The following SLC7A5 variants were observed in gnomAD, a reference collection of about 807,000 sequenced individuals.
The protein encoded by SLC7A5 is solute carrier family 7 member 5, also known as large neutral amino acids transporter small subunit 1.
SLC7A5 carries 23 observed loss-of-function variants against 50.2 expected under a neutral mutation model. The observed-to-expected ratio is 0.46, with a 90% confidence interval of 0.33 to 0.65. SLC7A5 has a LOEUF of 0.65. Among genes scored for constraint, SLC7A5 ranks in the 30% least tolerant of loss-of-function variants. The pLI, the probability that SLC7A5 is intolerant of heterozygous loss-of-function variation, is 0.02. For missense variants in SLC7A5, 578 were observed against 684.4 expected (o/e 0.84, Z 1.73); for synonymous variants, 393 against 330.6 (o/e 1.19, Z -2.05).
intron 1 of SLC7A5, among the ~76,000 whole-genome samples, chr16:87,858,749 G>C (rs1567500528): frequency 6.6e-6 from 1 of 152,110 alleles, no homozygotes; most frequent in African/African-American, 2.4e-5. Context: ...CAGCGTCCAA[G>C]CCAGTCCAAC....
Position 87,838,827 on chromosome 16 carries a change from C to T in SLC7A5, c.940-10G>A, listed in dbSNP as rs758748906. 7 of 1,608,936 alleles carry T rather than the reference C, an allele frequency of 4.4e-6. No homozygotes were observed. In the South Asian group the frequency reaches 5.5e-5, roughly 13 times the overall value. On this transcript the variant is annotated splice_polypyrimidine_tract_variant and intron_variant, in intron 5 of 9. Transcript: ENST00000261622. Reference sequence around the variant, plus strand: ...GATAGTTCCCGAAGTCCTAGGCAGGCACAACCAGTGAGCTGGGCCCCACCG... The same window carrying T: ...GATAGTTCCCGAAGTCCTAGGCAGGTACAACCAGTGAGCTGGGCCCCACCG...
intron 1 of SLC7A5, among the ~76,000 whole-genome samples, chr16:87,857,413 G>T (rs1467221109): frequency 6.6e-6 from 1 of 152,138 alleles, no homozygotes; most frequent in East Asian, 1.9e-4. Flanking sequence ...TGCCTCAGTA[G>T]CTGGGATTAC....
Position 87,858,308 on chromosome 16 carries a change from G to A in SLC7A5, c.539-6459C>T, listed in dbSNP as rs148405692. Among the ~76,000 whole-genome samples, 956 of 152,246 alleles carry A rather than the reference G, an allele frequency of 6.3e-3. 9 individuals carry two copies. The highest frequency in any genetic ancestry group is 0.02 in the African/African-American group (837 of 41,530). ...CCCATGAAAGCATCACCATTAATCT[G>A]ACCAGTCACCGCAGCATGAGTATCT... On this transcript the variant is annotated intron_variant, in intron 1 of 9. Transcript: ENST00000261622.
chr16:87,852,884 C>T lies in SLC7A5; in HGVS notation c.539-1035G>A, dbSNP rs68149176. Among the ~76,000 whole-genome samples the T allele has an allele frequency of 0.21, 32,414 of 152,062 alleles. 4,702 individuals carry two copies. The highest frequency in any genetic ancestry group is 0.66 in the East Asian group (3,420 of 5,164). ...TATTAATCCCGAGGCACTGACTCCA[C>T]GACACCCCTCACTGCCTGCTGCACT... On this transcript the variant is annotated intron_variant, in intron 1 of 9. Coordinates refer to ENST00000261622, the MANE Select transcript of SLC7A5 (RefSeq NM_003486.7). This position sits in a 1 kb window ranked among gnomAD's most constrained non-coding sequence, Gnocchi z 4.5.
intron 1 of SLC7A5, among the ~76,000 whole-genome samples, chr16:87,858,611 G>A (rs1396503236): frequency 1.3e-5 from 2 of 152,142 alleles, no homozygotes; most frequent in Non-Finnish European, 2.9e-5. Context: ...AAGTCACACA[G>A]CAGTTCCTGG....
In SLC7A5 at chr16:87,851,731, G is replaced by A. The variant is rs777869802; in HGVS notation, c.657C>T (p.Ile219=). ...CCTGGGGGACGTACTCACCCTTCCC[G>A]ATCTGGACGAAGCCCAGCAGGATGA... ...ALIILLGFVQ[I]GKGDVSNLDP... The change falls in exon 2 of 10, where the codon ATC becomes ATT. Residue 219 remains isoleucine, a synonymous_variant. Coordinates refer to ENST00000261622, the MANE Select transcript of SLC7A5 (RefSeq NM_003486.7). 1.1e-5 allele frequency: 17 copies of A among 1,612,704 alleles called. No individual in the cohort carries two copies. The highest frequency in any genetic ancestry group is 8.9e-5 in the East Asian group (4 of 44,860).
chr16:87,866,096 T>TG (rs985485235), intron 1 of SLC7A5, among the ~76,000 whole-genome samples: 13 of 109,434 alleles, frequency 1.2e-4, no homozygotes, highest in African/African-American at 3.1e-4. Context: ...CAGGGTTCTA[T>TG]GGGGGGGCGG....
chr16:87,857,721 AG>A (rs1294503012), intron 1 of SLC7A5, among the ~76,000 whole-genome samples: 1 of 152,254 alleles, frequency 6.6e-6, no homozygotes, highest in Non-Finnish European at 1.5e-5. Context: ...CTGTCTGCTC[AG>A]TGTTGAAACA....
chr16:87,837,269 C>A (rs1306211313), intron 7 of SLC7A5: 2 of 189,054 alleles, frequency 1.1e-5, no homozygotes, highest in Admixed American at 1.1e-4. Flanking sequence ...GTGGGGCCTG[C>A]AGCCCACAGC....
At chr16:87,843,292 T>C (rs949285043) in intron 2 of SLC7A5, among the ~76,000 whole-genome samples, 12 of 146,776 alleles carry the variant, frequency 8.2e-5, no homozygotes, top group African/African-American at 2.5e-4. Context: ...AGGCTTGACA[T>C]GGTATGAGGT....
At chr16:87,855,782 TG>T (rs1045790340) in intron 1 of SLC7A5, among the ~76,000 whole-genome samples, 2 of 151,974 alleles carry the variant, frequency 1.3e-5, no homozygotes, top group African/African-American at 4.8e-5. Flanking sequence ...GTGGGACCTG[TG>T]GGCCCCGGCT....
At chr16:87,844,089 A>G (rs1161972342) in intron 2 of SLC7A5, among the ~76,000 whole-genome samples, 1 of 152,180 alleles carries the variant, frequency 6.6e-6, no homozygotes, top group African/African-American at 2.4e-5. Context: ...GAAGTGAGGA[A>G]GAGAATCACC....
At chr16:87,855,688 A>G (rs1025807415) in intron 1 of SLC7A5, among the ~76,000 whole-genome samples, 1 of 152,110 alleles carries the variant, frequency 6.6e-6, no homozygotes, top group African/African-American at 2.4e-5. Context: ...CGCTACAAGC[A>G]AAGGGATGAT....
chr16:87,858,479 G>T (rs1470006176), intron 1 of SLC7A5, among the ~76,000 whole-genome samples: 2 of 152,152 alleles, frequency 1.3e-5, no homozygotes, highest in African/African-American at 4.8e-5. Context: ...CAAGAAAAAG[G>T]AGTGAAAACC....
chr16:87,834,739 C>T, intron 8 of SLC7A5, 148 bp from the exon 9 acceptor site: 1 of 811,716 alleles, frequency 1.2e-6, no homozygotes. Context: ...CCATCTGCCT[C>T]ACACACCGGG....
At chr16:87,836,062 G>A (rs759122934) in intron 8 of SLC7A5, among the ~76,000 whole-genome samples, 87 of 152,344 alleles carry the variant, frequency 5.7e-4, no homozygotes, top group Non-Finnish European at 9.6e-4. Flanking sequence ...TGAATGAGCC[G>A]CTGGGGACGG....
Position 87,851,711 on chromosome 16 carries a change from G to A in SLC7A5, c.664+13C>T, listed in dbSNP as rs766841773. On this transcript the variant is annotated intron_variant, in intron 2 of 9. Coordinates refer to ENST00000261622, the MANE Select transcript of SLC7A5 (RefSeq NM_003486.7). The stretch of plus-strand genomic sequence containing the variant: ...TCGAGGGGCCGCCGGTGGGGCCTGG[G>A]GGACGTACTCACCCTTCCCGATCTG... The A allele has an allele frequency of 6.8e-6, 11 of 1,608,432 alleles. No individual in the cohort carries two copies. In the East Asian group the frequency reaches 2.2e-4, roughly 33 times the overall value.
Position 87,869,112 on chromosome 16 carries a change from G to A in SLC7A5, c.311C>T (p.Ala104Val). 1 of 1,611,796 alleles carries A rather than the reference G, an allele frequency of 6.2e-7. No individual in the cohort carries two copies. The highest frequency in any genetic ancestry group is 8.5e-7 in the Non-Finnish European group (1 of 1,179,774). The part of the protein sequence containing the change: ...VFSIVGALCY[A>V]ELGTTISKSG... Reference sequence around the variant, plus strand: ...TTTGGAGATGGTGGTGCCGAGCTCCGCGTAGCAGAGCGCGCCCACGATGGA... The same window carrying A: ...TTTGGAGATGGTGGTGCCGAGCTCCACGTAGCAGAGCGCGCCCACGATGGA... Residue 104 changes from alanine (A) to valine (V), a missense_variant, in exon 1 of 10, where the codon GCG becomes GTG. Transcript: ENST00000261622.
chr16:87,836,161 T>C (rs1410294196), intron 8 of SLC7A5, among the ~76,000 whole-genome samples: 1 of 152,216 alleles, frequency 6.6e-6, no homozygotes, highest in African/African-American at 2.4e-5. Context: ...CGACGGCCCT[T>C]TGAATGCTGC....
Sources: allele counts gnomAD v4.1 joint callset (sites outside exome capture counted in the v4.1 genomes callset), GRCh38; gene constraint gnomAD v4.1.1; non-coding constraint Gnocchi (gnomAD v3.1); transcripts MANE v1.5; gene names NCBI Gene and HGNC (gene_info 2026-07-23, HGNC 2026-07-21).